WNK1: variants seen among roughly 807,000 people sequenced by gnomAD.
The protein encoded by WNK1 is serine/threonine-protein kinase WNK1.
WNK1 carries 38 observed loss-of-function variants against 222.8 expected under a neutral mutation model. The ratio of observed to expected loss-of-function variants is 0.17; its 90% CI spans 0.13 to 0.22. WNK1 has a LOEUF of 0.22. WNK1 is among the 10% of genes least tolerant of loss of function. The probability of loss-of-function intolerance (pLI) is 1.00; values close to 1 mark genes in which losing one functional copy is unlikely to be tolerated. For missense variants in WNK1, 2,348 were observed against 2,918.4 expected (o/e 0.80, Z 4.50); for synonymous variants, 1,090 against 1,092.9 (o/e 1.00, Z 0.05).
intron 1 of WNK1, among the ~76,000 whole-genome samples, chr12:775,423 C>T (rs887990377): frequency 2.0e-5 from 3 of 152,026 alleles, no homozygotes; most frequent in Non-Finnish European, 4.4e-5. Flanking sequence ...TAGGGCCTAA[C>T]GTAAAGTTTG....
intron 27 of WNK1, 24 bp from the exon 28 acceptor site, chr12:908,451 G>A (rs1417653970): frequency 2.5e-6 from 4 of 1,613,770 alleles, no homozygotes; most frequent in Non-Finnish European, 3.4e-6. Flanking sequence ...CACCAGACTT[G>A]ACACGTGGTG....
At chr12:879,058 A>T in intron 10 of WNK1, among the ~76,000 whole-genome samples, 1 of 152,198 alleles carries the variant, frequency 6.6e-6, no homozygotes, top group East Asian at 1.9e-4. Flanking sequence ...GCATCCTAGA[A>T]TGAGTGAAAT....
Position 768,319 on chromosome 12 carries a change from A to G in WNK1, c.759+13995A>G, listed in dbSNP as rs555052544. 5.7e-4 allele frequency among the ~76,000 whole-genome samples: 87 copies of G among 152,250 alleles called. 1 individual carries two copies. Among genetic ancestry groups the G allele is most frequent in the African/African-American group, 2.0e-3 (84 of 41,548 alleles). On this transcript the variant is annotated intron_variant, in intron 1 of 27. Coordinates refer to ENST00000315939, the MANE Select transcript of WNK1 (RefSeq NM_018979.4). ...ACCAGCTAATTTTTATATTTTTAGT[A>G]GAGACGGGATTTCATCATGTTGGCC...
At chr12:813,485 A>G (rs1317087382) in intron 1 of WNK1, among the ~76,000 whole-genome samples, 157 bp from the exon 2 acceptor site, 2 of 152,230 alleles carry the variant, frequency 1.3e-5, no homozygotes, top group African/African-American at 4.8e-5. Flanking sequence ...CTCAAGCATG[A>G]ATGTATATAA....
chr12:754,306 C>T lies in WNK1; in HGVS notation c.741C>T (p.Val247=), dbSNP rs757505788. The T allele has an allele frequency of 6.2e-7, 1 of 1,613,448 alleles. No individual in the cohort carries two copies. The change falls in exon 1 of 28, where the codon GTC becomes GTT. Residue 247 remains valine (V), a synonymous_variant. Coordinates refer to ENST00000315939, the MANE Select transcript of WNK1 (RefSeq NM_018979.4). ...TGGACACTGAAACCACCGTGGAAGT[C>T]GCCTGGTGTGAACTGCAGGTAAAGC... ...KGLDTETTVE[V]AWCELQDRKL... is the part of the protein sequence containing the mutation.
At chr12:762,142 C>T (rs1941109012) in intron 1 of WNK1, among the ~76,000 whole-genome samples, 1 of 145,404 alleles carries the variant, frequency 6.9e-6, no homozygotes, top group Non-Finnish European at 1.5e-5. Context: ...TCACTGCTAC[C>T]TCTGCCTCCT....
chr12:788,618 G>A (rs1267067211), intron 1 of WNK1, among the ~76,000 whole-genome samples: 1 of 152,210 alleles, frequency 6.6e-6, no homozygotes, highest in African/African-American at 2.4e-5. Context: ...ACCGGGTGAG[G>A]TGGCTCACGC....
intron 4 of WNK1, among the ~76,000 whole-genome samples, chr12:834,786 G>T (rs1852265824): frequency 6.6e-6 from 1 of 152,056 alleles, no homozygotes; most frequent in African/African-American, 2.4e-5. Flanking sequence ...CTTCTTGGGG[G>T]GGTGTGTAGA....
At chr12:850,702 G>A (rs1950358629) in intron 4 of WNK1, among the ~76,000 whole-genome samples, 1 of 152,194 alleles carries the variant, frequency 6.6e-6, no homozygotes, top group African/African-American at 2.4e-5. Context: ...TATGGTTTTA[G>A]GTCTAACATT....
At chr12:898,805 T>C (rs956852084) in intron 25 of WNK1, among the ~76,000 whole-genome samples, 1 of 152,108 alleles carries the variant, frequency 6.6e-6, no homozygotes, top group Admixed American at 6.5e-5. Flanking sequence ...AGTGGCACGA[T>C]CTCGGCTCAC....
chr12:875,116 A>C (rs1453223584), intron 9 of WNK1, among the ~76,000 whole-genome samples: 10 of 152,228 alleles, frequency 6.6e-5, no homozygotes, highest in Admixed American at 3.9e-4. Context: ...AGTTTGGTTT[A>C]ACTAGAGCAT....
chr12:838,223 G>T (rs1347976110), intron 4 of WNK1, among the ~76,000 whole-genome samples: 1 of 152,042 alleles, frequency 6.6e-6, no homozygotes. Flanking sequence ...ACAAGTTTTT[G>T]TTTGAATATC....
In WNK1 at chr12:862,133, C is replaced by G; in HGVS notation, c.2002C>G (p.Arg668Gly). The G allele has an allele frequency of 6.2e-7, 1 of 1,613,940 alleles. No homozygotes were observed. Among genetic ancestry groups the G allele is most frequent in the African/African-American group, 1.3e-5 (1 of 74,964 alleles). ...GGGATCCTCTGTCTTCACAGAATCT[C>G]GAGTGAGCAGCCAACAGACAGTTTC... The part of the protein sequence containing the change: ...GQGSSVFTES[R>G]VSSQQTVSYG... Residue 668 changes from arginine (R) to glycine (G), a missense_variant, in exon 8 of 28, where the codon CGA (arginine) becomes GGA (glycine). Around this residue, in one of 13 missense-constraint regions of WNK1, gnomAD observed 547 missense variants for 558.3 expected, o/e 0.98. Transcript: ENST00000315939.
rs11571493 is a variant in WNK1, at chr12:911,375, C to T, written c.*2583C>T. On this transcript the variant is annotated 3_prime_UTR_variant, in exon 28 of 28. Coordinates refer to ENST00000315939, the MANE Select transcript of WNK1 (RefSeq NM_018979.4). ...GGGTGTTGCGCTTCTTGTAAGATTG[C>T]GCTTTGTGCTTCAGTTTGTTACCTT... 1.5e-3 allele frequency: 590 copies of T among 398,598 alleles called. No individual in the cohort carries two copies. Among genetic ancestry groups the T allele is most frequent in the Non-Finnish European group, 2.3e-3 (524 of 226,060 alleles). The allele number at this position is 398,598 out of a possible 1,614,324, so 24.7% of individuals were successfully genotyped here.
At chr12:875,896 T>C (rs550179864) in intron 9 of WNK1, among the ~76,000 whole-genome samples, 46 of 152,300 alleles carry the variant, frequency 3.0e-4, no homozygotes, top group African/African-American at 1.1e-3. Flanking sequence ...ATTATAGATA[T>C]CTCATTCACA....
At chr12:834,851 T>G (rs1485848048) in intron 4 of WNK1, among the ~76,000 whole-genome samples, 1 of 152,106 alleles carries the variant, frequency 6.6e-6, no homozygotes, top group Non-Finnish European at 1.5e-5. Context: ...TATGAAACTT[T>G]GAACTGATTA....
chr12:868,252 C>T, intron 8 of WNK1: 3 of 1,601,710 alleles, frequency 1.9e-6, no homozygotes, highest in Non-Finnish European at 2.6e-6. Context: ...AAGAAGCTCA[C>T]TATTTTATTC....
At chr12:886,780 G>A (rs1159926161) in intron 19 of WNK1, among the ~76,000 whole-genome samples, 3 of 152,174 alleles carry the variant, frequency 2.0e-5, no homozygotes, top group Admixed American at 6.5e-5. Flanking sequence ...CTTGATAATA[G>A]TATTAGATTT....
chr12:892,915 A>G (rs1258019404), intron 22 of WNK1, among the ~76,000 whole-genome samples: 1 of 152,194 alleles, frequency 6.6e-6, no homozygotes, highest in African/African-American at 2.4e-5. Context: ...TCATTGTGGT[A>G]TATTTATTGT....
Sources: allele counts gnomAD v4.1 joint callset (sites outside exome capture counted in the v4.1 genomes callset), GRCh38; gene constraint gnomAD v4.1.1; regional missense constraint gnomAD v4.1.1; transcripts MANE v1.5; gene names NCBI Gene and HGNC (gene_info 2026-07-23, HGNC 2026-07-21).